LEMD2: variants seen among roughly 807,000 people sequenced by gnomAD.
The protein encoded by LEMD2 is LEM domain nuclear envelope protein 2, also known as LEM domain-containing protein 2.
Under a neutral mutation model 58.8 loss-of-function variants are expected in LEMD2, and 34 were observed. The ratio of observed to expected loss-of-function variants is 0.58; its 90% CI spans 0.44 to 0.77. The LOEUF is 0.77. LEMD2 is among the 30% of genes least tolerant of loss of function. The pLI, the probability that LEMD2 is intolerant of heterozygous loss-of-function variation, is 0.00. For synonymous variants in LEMD2, 298 were observed against 308.9 expected (o/e 0.96, Z 0.37); for missense variants, 629 against 717.9 (o/e 0.88, Z 1.42).
intron 4 of LEMD2, 139 bp from the exon 5 acceptor site, chr6:33,780,318 T>C (rs1228892488): frequency 4.0e-6 from 3 of 755,532 alleles, no homozygotes; most frequent in African/African-American, 1.7e-5. Flanking sequence ...CACAGCAAAG[T>C]GGCAGGAAGG....
At chr6:33,779,066 T>A (rs1352299659) in intron 5 of LEMD2, 1 of 152,148 alleles carries the variant, frequency 6.6e-6, no homozygotes, top group African/African-American at 2.4e-5. Context: ...GTGTCCTGAT[T>A]TCTCAGGACC....
chr6:33,788,458 C>T lies in LEMD2; in HGVS notation c.659G>A (p.Gly220Glu). The part of the protein sequence containing the change: ...LSRLLLWASL[G>E]LLLVFLGILW... ...GATGCCCAGGAAGACGAGCAGTAGC[C>T]CTAGGCTGGCCCAGAGCAGAAGCCG... The change falls in exon 1 of 9, where the codon GGG becomes GAG. Residue 220 changes from glycine to glutamate, a missense_variant. Around this residue, in one of 2 missense-constraint regions of LEMD2, gnomAD observed 386 missense variants for 381.1 expected, o/e 1.01. Transcript: ENST00000293760. 6.4e-7 allele frequency: 1 copy of T among 1,571,166 alleles called. No individual in the cohort carries two copies. The highest frequency in any genetic ancestry group is 1.4e-5 in the African/African-American group (1 of 73,584).
chr6:33,787,367 G>A (rs1279795633), intron 1 of LEMD2, among the ~76,000 whole-genome samples: 2 of 152,192 alleles, frequency 1.3e-5, no homozygotes, highest in Admixed American at 6.5e-5. Flanking sequence ...CTCTCATAGT[G>A]GGGAAATCAT....
chr6:33,773,789 C>T (rs1447192601), intron 8 of LEMD2, among the ~76,000 whole-genome samples: 2 of 152,218 alleles, frequency 1.3e-5, no homozygotes, highest in Non-Finnish European at 2.9e-5. Context: ...CCCCTCCTTC[C>T]CAGGCCAGTT....
At chr6:33,779,986 C>T in intron 5 of LEMD2, 114 bp downstream of exon 5, 2 of 880,974 alleles carry the variant, frequency 2.3e-6, no homozygotes, top group Admixed American at 2.2e-5. Flanking sequence ...TGCTGGGAGA[C>T]CCAGCCTCCA....
chr6:33,776,835 C>T, intron 8 of LEMD2, 119 bp downstream of exon 8: 1 of 781,808 alleles, frequency 1.3e-6, no homozygotes, highest in Non-Finnish European at 2.2e-6. Context: ...ACTCTTGGCC[C>T]TGGGGTCTGC....
intron 2 of LEMD2, among the ~76,000 whole-genome samples, chr6:33,785,011 C>T (rs1767645088): frequency 6.6e-6 from 1 of 152,180 alleles, no homozygotes; most frequent in Non-Finnish European, 1.5e-5. Flanking sequence ...ACAGACGGTA[C>T]CAGACAACGA....
chr6:33,784,357 T>C lies in LEMD2; in HGVS notation c.848A>G (p.Gln283Arg), dbSNP rs1000663623. The change falls in exon 3 of 9, where the codon CAA (glutamine) becomes CGA (arginine). Residue 283 changes from glutamine (Q) to arginine (R), a missense_variant. Transcript: ENST00000293760. ...LHELYNFLAIQAGNFECGNPE... is the reference protein window; with the variant it reads ...LHELYNFLAIRAGNFECGNPE... ...GACTTACGTGACTTACTCACCAGCT[T>C]GGATGGCCAGGAAATTGTAGAGTTC... The C allele has an allele frequency of 6.2e-7, 1 of 1,608,830 alleles. No individual in the cohort carries two copies. The highest frequency in any genetic ancestry group is 1.4e-5 in the African/African-American group (1 of 73,488).
In LEMD2 at chr6:33,788,994, C is replaced by T. The variant is rs751507433; in HGVS notation, c.123G>A (p.Glu41=). The change falls in exon 1 of 9, where the codon GAG becomes GAA. Residue 41 remains glutamate (E), a synonymous_variant. Coordinates refer to ENST00000293760, the MANE Select transcript of LEMD2 (RefSeq NM_181336.4). ...YRNKLRRLRG[E]ARLRDEERLR... ...GCCGCTCCTCGTCGCGCAGCCGGGC[C>T]TCGCCCCGCAGGCGGCGCAGCTTGT... The T allele has an allele frequency of 6.5e-7, 1 of 1,549,608 alleles. No individual in the cohort carries two copies. The highest frequency in any genetic ancestry group is 2.7e-5 in the East Asian group (1 of 37,642).
At chr6:33,775,960 G>C (rs1353118127) in intron 8 of LEMD2, among the ~76,000 whole-genome samples, 1 of 152,154 alleles carries the variant, frequency 6.6e-6, no homozygotes, top group African/African-American at 2.4e-5. Flanking sequence ...TGCTAGGGAG[G>C]GACCACAACC....
intron 8 of LEMD2, among the ~76,000 whole-genome samples, chr6:33,773,210 C>T (rs1450631408): frequency 6.6e-6 from 1 of 152,144 alleles, no homozygotes; most frequent in Admixed American, 6.5e-5. Context: ...CACAGCACTC[C>T]AGGGGATGGG....
intron 2 of LEMD2, chr6:33,784,747 C>T (rs1318271114): frequency 1.2e-5 from 3 of 244,860 alleles, no homozygotes; most frequent in Admixed American, 4.7e-5. Context: ...TGAGCAGAGG[C>T]GACGTGGTCG....
In LEMD2 at chr6:33,781,531, G is replaced by A. The variant is rs193232499; in HGVS notation, c.854-378C>T. 11 of 195,698 alleles carry A rather than the reference G, an allele frequency of 5.6e-5. No individual in the cohort carries two copies. In the East Asian group the frequency reaches 5.9e-4, roughly 10 times the overall value. 12.1% of individuals were successfully genotyped at this position (195,698 alleles called of 1,614,324 possible). On this transcript the variant is annotated intron_variant, in intron 3 of 8. Coordinates refer to ENST00000293760, the MANE Select transcript of LEMD2 (RefSeq NM_181336.4). ...AAGGCAGGGAGGCCATGGGCACCAC[G>A]GGGATTCTGACTCATGACACAGGCA...
intron 1 of LEMD2, chr6:33,787,021 T>C (rs1767692886): frequency 1.0e-5 from 8 of 778,882 alleles, no homozygotes; most frequent in African/African-American, 1.8e-5. Flanking sequence ...CTCAAGTTTC[T>C]TGGGCAACTC....
In LEMD2 at chr6:33,788,756, C is replaced by A. The variant is rs1453575646; in HGVS notation, c.361G>T (p.Ala121Ser). ...AASWVGSRGL[A>S]YPARPAQLRR... ...AGTTGCGCCGGGCGGGCAGGATAGG[C>A]GAGGCCGCGGCTCCCTACCCAGGAA... The change falls in exon 1 of 9, where the codon GCC becomes TCC. Residue 121 changes from alanine (A) to serine (S), a missense_variant. Ala to Ser is a moderately conservative substitution (Grantham distance 99). This residue lies in a region of LEMD2 where 386 missense variants were observed against 381.1 expected (regional missense o/e 1.01). Transcript: ENST00000293760. The A allele has an allele frequency of 6.9e-7, 1 of 1,446,964 alleles. No homozygotes were observed. Among genetic ancestry groups the A allele is most frequent in the Non-Finnish European group, 9.1e-7 (1 of 1,101,762 alleles). 89.6% of individuals were successfully genotyped at this position (1,446,964 alleles called of 1,614,324 possible).
At position 33,778,310 on chromosome 6, in the gene LEMD2, A is replaced by G; in HGVS notation, c.1088T>C (p.Met363Thr). 6.2e-7 allele frequency: 1 copy of G among 1,609,096 alleles called. No homozygotes were observed. The highest frequency in any genetic ancestry group is 8.5e-7 in the Non-Finnish European group (1 of 1,177,172). ...CCGGCTCAGGCGGCAGCCAACACCC[A>G]TGCGGGGGTGGGCAGATTCCAGGCA... ...VVCLESAHPR[M>T]GVGCRLSRAL... The change falls in exon 6 of 9, where the codon ATG becomes ACG. Residue 363 changes from methionine (M) to threonine (T), a missense_variant. Transcript: ENST00000293760. The surrounding 1 kb of genome is among the most constrained non-coding windows in gnomAD (Gnocchi z 4.7).
intron 2 of LEMD2, 101 bp from the exon 3 acceptor site, chr6:33,784,528 C>T: frequency 1.4e-6 from 1 of 731,578 alleles, no homozygotes; most frequent in Admixed American, 2.1e-5. Flanking sequence ...TACTAAACAG[C>T]AAGGAATATC....
chr6:33,788,863 G>GGAGA lies in LEMD2; in HGVS notation c.253_254insTCTC (p.Ala85ValfsTer23). The stretch of plus-strand genomic sequence containing the variant: ...GGCCGGCTGGGAGAGCCAGGGCTCC[G>GGAGA]CCCGCGGAGAGGCCGCGGCGGGCCG... On this transcript the variant is annotated frameshift_variant, in exon 1 of 9. Transcript: ENST00000293760. LOFTEE classifies it high-confidence loss of function. The GGAGA allele has an allele frequency of 7.2e-7, 1 of 1,379,904 alleles. No individual in the cohort carries two copies. The highest frequency in any genetic ancestry group is 9.3e-7 in the Non-Finnish European group (1 of 1,074,624). The allele number at this position is 1,379,904 out of a possible 1,614,324, so 85.5% of individuals were successfully genotyped here.
chr6:33,783,719 C>T (rs1225707007), intron 3 of LEMD2, among the ~76,000 whole-genome samples: 8 of 152,224 alleles, frequency 5.3e-5, no homozygotes, highest in Non-Finnish European at 1.0e-4. Context: ...TTTTCAGGGG[C>T]ATTTCACAGA....
Sources: gnomAD v4.1 joint callset for allele counts (sites outside exome capture counted in the v4.1 genomes callset) on GRCh38, gnomAD v4.1.1 for gene constraint, gnomAD v4.1.1 regional missense constraint, Gnocchi (gnomAD v3.1) non-coding constraint, MANE v1.5 for transcripts, NCBI Gene and HGNC (gene_info 2026-07-23, HGNC 2026-07-21) for gene names.